Variants in MYH11 observed in about 807,000 individuals in gnomAD.
The protein encoded by MYH11 is myosin-11.
A neutral mutation model predicts 246.6 loss-of-function variants in MYH11; 80 were observed. The observed-to-expected ratio is 0.32, with a 90% CI of 0.27 to 0.39. The LOEUF (loss-of-function observed/expected upper bound fraction) is 0.39. Among genes scored for constraint, MYH11 ranks in the 10% least tolerant of loss-of-function variants. MYH11 has a pLI of 1.00. For synonymous variants in MYH11, 1,071 were observed against 1,015.5 expected, an observed-to-expected ratio of 1.05 and a Z score of -1.04; for missense variants, 2,158 against 2,546.8, an observed-to-expected ratio of 0.85 and a Z score of 3.29.
intron 4 of MYH11, among the ~76,000 whole-genome samples, chr16:15,797,218 A>G (rs1053112466): frequency 1.3e-5 from 2 of 152,246 alleles, no homozygotes; most frequent in Non-Finnish European, 2.9e-5. Context: ...TCTTCTCTCA[A>G]TACAGTTCAT....
chr16:15,831,688 C>T (rs2043743988), intron 2 of MYH11, among the ~76,000 whole-genome samples: 3 of 152,130 alleles, frequency 2.0e-5, no homozygotes, highest in Non-Finnish European at 4.4e-5. Context: ...CCTGTAATCC[C>T]AGCACGTTGG....
At chr16:15,833,384 G>GAA (rs1567208138) in intron 2 of MYH11, among the ~76,000 whole-genome samples, 2,819 of 104,200 alleles carry the variant, frequency 0.027, 85 homozygotes, top group African/African-American at 0.087. Context: ...AGGGAGGGAG[G>GAA]GAGGAAGGAA....
chr16:15,763,741 T>TGCGGCCCCCC, intron 10 of MYH11, 55 bp downstream of exon 10: 1 of 646,862 alleles, frequency 1.5e-6, no homozygotes. Context: ...AAATGTCACC[T>TGCGGCCCCCC]CCCCCACCCC....
At chr16:15,734,540 T>A (rs2041060933) in intron 26 of MYH11, among the ~76,000 whole-genome samples, 2 of 152,192 alleles carry the variant, frequency 1.3e-5, no homozygotes, top group Admixed American at 6.5e-5. Context: ...CCTCAAGTGA[T>A]CCACCTGTCT....
At chr16:15,788,095 T>TTTTTTTTTTTCTTTTTTA (rs11273419) in intron 4 of MYH11, among the ~76,000 whole-genome samples, 1 of 99,488 alleles carries the variant, frequency 1.0e-5, no homozygotes, top group Non-Finnish European at 2.1e-5. Context: ...TTTTTTTTTT[T>TTTTTTTTTTTCTTTTTTA]ACCAAGATGG....
rs1388408504 is a variant in MYH11 at position 15,741,236 on chromosome 16, G to A, written c.2859+227C>T. ...CCTCCATTCAGGCTTGCTGTTAGGAGAAAAGGGGTTAGCACATGCAAGGCA... is the reference window on the plus strand; with the variant it reads ...CCTCCATTCAGGCTTGCTGTTAGGAAAAAAGGGGTTAGCACATGCAAGGCA... On this transcript the variant is annotated intron_variant, in intron 22 of 40. Transcript: ENST00000300036. The A allele has an allele frequency of 9.7e-6, 6 of 620,368 alleles. No homozygotes were observed. The African/African-American group carries it at 1.1e-4, about 11-fold the overall frequency. The allele number at this position is 620,368 out of a possible 1,614,324, so 38.4% of individuals were successfully genotyped here. A position where few individuals can be genotyped will look rare whatever the true frequency, so the allele number is the denominator to read the frequency against.
At chr16:15,718,251 G>A in intron 37 of MYH11, 64 bp downstream of exon 37, 5 of 1,602,408 alleles carry the variant, frequency 3.1e-6, no homozygotes, top group Non-Finnish European at 4.2e-6. Flanking sequence ...GTGTTGACTG[G>A]TGCAGGATCC....
intron 15 of MYH11, among the ~76,000 whole-genome samples, chr16:15,751,120 ATTATTAT>A (rs1567727645): frequency 1.4e-4 from 4 of 28,138 alleles, no homozygotes. Flanking sequence ...AAAAGTAGGT[ATTATTAT>A]TATTATTATT....
At chr16:15,836,209 T>C (rs1411942642) in intron 2 of MYH11, among the ~76,000 whole-genome samples, 2 of 152,002 alleles carry the variant, frequency 1.3e-5, no homozygotes, top group Admixed American at 6.6e-5. Flanking sequence ...TGGCGACCCG[T>C]GCCCCACAAC....
chr16:15,851,469 C>T (rs1441270751), intron 1 of MYH11, among the ~76,000 whole-genome samples: 1 of 152,062 alleles, frequency 6.6e-6, no homozygotes, highest in Non-Finnish European at 1.5e-5. Context: ...TGCAAGACCC[C>T]CACTTGTAAA....
At chr16:15,801,977 A>C (rs1200674213) in intron 3 of MYH11, among the ~76,000 whole-genome samples, 2 of 152,080 alleles carry the variant, frequency 1.3e-5, no homozygotes, top group African/African-American at 4.8e-5. Context: ...CAAACAAAAA[A>C]AACCAACAAA....
chr16:15,722,469 CAA>C (rs1420457657), intron 31 of MYH11, among the ~76,000 whole-genome samples: 1 of 152,186 alleles, frequency 6.6e-6, no homozygotes, highest in Non-Finnish European at 1.5e-5. Context: ...CAGTATTCAG[CAA>C]AGACAGGGAC....
rs111588143 is a variant in MYH11, at chr16:15,708,830, G to A, written c.5787-4707C>T. On this transcript the variant is annotated intron_variant, in intron 40 of 40. Coordinates refer to ENST00000300036, the MANE Select transcript of MYH11 (RefSeq NM_002474.3). ...GGTGCATCACTGCGAAGTTTCCTGT[G>A]GGGGGGGCCCTCTGAAACAGAGAGA... 2.9e-5 allele frequency: 46 copies of A among 1,605,916 alleles called. No homozygotes were observed. The highest frequency in any genetic ancestry group is 8.9e-5 in the South Asian group (8 of 89,500).
intron 10 of MYH11, 55 bp downstream of exon 10, chr16:15,763,741 T>TCCGCCCCCCCCCCCCCC: frequency 6.2e-6 from 4 of 646,846 alleles, no homozygotes; most frequent in East Asian, 3.2e-5. Context: ...AAATGTCACC[T>TCCGCCCCCCCCCCCCCC]CCCCCACCCC....
At chr16:15,812,077 C>T (rs905042804) in intron 3 of MYH11, among the ~76,000 whole-genome samples, 1 of 152,174 alleles carries the variant, frequency 6.6e-6, no homozygotes, top group African/African-American at 2.4e-5. Context: ...GAGCTGTCAA[C>T]ACTCTGAGAT....
At chr16:15,759,481 A>G (rs2041816147) in intron 12 of MYH11, 95 bp downstream of exon 12, 6 of 1,532,318 alleles carry the variant, frequency 3.9e-6, no homozygotes, top group Middle Eastern at 3.4e-4. Flanking sequence ...TACAGTAGCC[A>G]TCTACATGCC....
At position 15,720,282 on chromosome 16, in the gene MYH11, C is replaced by T. The variant is rs777768672; in HGVS notation, c.4822G>A (p.Glu1608Lys). 2.5e-5 allele frequency: 41 copies of T among 1,614,074 alleles called. 1 individual carries two copies. The Admixed American group carries it at 5.5e-4, about 22-fold the overall frequency. Residue 1608 changes from glutamate (E) to lysine (K), a missense_variant, in exon 34 of 41, where the codon GAG becomes AAG. This residue lies in a region of MYH11 where 1,013 missense variants were observed against 993.5 expected (regional missense o/e 1.02). Transcript: ENST00000300036. The stretch of plus-strand genomic sequence containing the variant: ...GCTGCCAGGGCACGTTGCTTTCGCT[C>T]GTCTTCCAGTTCCGTCTCATACTCG... Reference protein sequence around the residue: ...LHEYETELEDERKQRALAAAA... With the variant: ...LHEYETELEDKRKQRALAAAA...
chr16:15,707,181 G>T (rs1347480432), intron 40 of MYH11, among the ~76,000 whole-genome samples: 1 of 152,100 alleles, frequency 6.6e-6, no homozygotes, highest in Non-Finnish European at 1.5e-5. Flanking sequence ...TGGGACTACA[G>T]ACATGCCACC....
intron 2 of MYH11, among the ~76,000 whole-genome samples, chr16:15,834,213 A>G (rs1183151125): frequency 2.6e-5 from 4 of 152,052 alleles, no homozygotes; most frequent in Non-Finnish European, 5.9e-5. Flanking sequence ...AGCTCCCTAC[A>G]GACGGGCCTC....
Sources: gnomAD v4.1 joint callset for allele counts (sites outside exome capture counted in the v4.1 genomes callset) on GRCh38, gnomAD v4.1.1 for gene constraint, gnomAD v4.1.1 regional missense constraint, MANE v1.5 for transcripts, NCBI Gene and HGNC (gene_info 2026-07-23, HGNC 2026-07-21) for gene names.